Variants in EPB41L2 observed in about 807,000 individuals in gnomAD.
EPB41L2 encodes the protein erythrocyte membrane protein band 4.1 like 2, also known as band 4.1-like protein 2.
In EPB41L2, 43 loss-of-function variants were observed where a neutral mutation model predicts 113.0. The observed-to-expected ratio is 0.38, with a 90% CI of 0.30 to 0.49. EPB41L2 has a LOEUF of 0.49. Among genes scored for constraint, EPB41L2 ranks in the 20% least tolerant of loss-of-function variants. EPB41L2 has a pLI of 0.95. For synonymous variants in EPB41L2, 442 were observed against 436.7 expected (o/e 1.01, Z -0.15); for missense variants, 1,147 against 1,223.4 (o/e 0.94, Z 0.93).
At chr6:130,930,076 G>A (rs1032923473) in intron 3 of EPB41L2, among the ~76,000 whole-genome samples, 1 of 152,004 alleles carries the variant, frequency 6.6e-6, no homozygotes, top group African/African-American at 2.4e-5. Context: ...AGTGAGACAA[G>A]AAAAATTCTC....
At chr6:130,889,389 T>C (rs999686552) in intron 11 of EPB41L2, among the ~76,000 whole-genome samples, 1 of 152,100 alleles carries the variant, frequency 6.6e-6, no homozygotes, top group Admixed American at 6.5e-5. Context: ...GTAGTTTATA[T>C]AAAACTTATT....
At chr6:130,870,200 C>G in intron 14 of EPB41L2, 74 bp from the exon 15 acceptor site, 5 of 1,532,232 alleles carry the variant, frequency 3.3e-6, no homozygotes, top group Non-Finnish European at 4.4e-6. Context: ...CCAAATTAAC[C>G]GATGGCAGAT....
intron 1 of EPB41L2, among the ~76,000 whole-genome samples, chr6:131,059,414 A>G (rs1798249797): frequency 6.6e-6 from 1 of 152,230 alleles, no homozygotes; most frequent in Non-Finnish European, 1.5e-5. Context: ...GCGCCCAGCT[A>G]TAATTCCTAA....
At chr6:130,951,807 T>C (rs1376006657) in intron 3 of EPB41L2, among the ~76,000 whole-genome samples, 1 of 151,716 alleles carries the variant, frequency 6.6e-6, no homozygotes, top group Non-Finnish European at 1.5e-5. Flanking sequence ...AAGTAATATA[T>C]ACCACTTCCA....
chr6:130,955,956 T>C, intron 2 of EPB41L2, 38 bp downstream of exon 2: 2 of 1,581,962 alleles, frequency 1.3e-6, no homozygotes, highest in Middle Eastern at 1.7e-4. Context: ...GGTTACGCTA[T>C]CAGGTTTTCA....
intron 1 of EPB41L2, among the ~76,000 whole-genome samples, chr6:131,008,605 G>A (rs1786165665): frequency 6.6e-6 from 1 of 152,248 alleles, no homozygotes; most frequent in South Asian, 2.1e-4. Context: ...CCCTGGAAAA[G>A]CCACAGACAC....
At chr6:131,048,969 G>A (rs1796026223) in intron 1 of EPB41L2, among the ~76,000 whole-genome samples, 1 of 151,948 alleles carries the variant, frequency 6.6e-6, no homozygotes, top group South Asian at 2.1e-4. Flanking sequence ...CACAGAGCAA[G>A]TAACACATAA....
intron 12 of EPB41L2, among the ~76,000 whole-genome samples, chr6:130,883,500 A>G (rs1446359038): frequency 6.6e-6 from 1 of 152,258 alleles, no homozygotes; most frequent in Non-Finnish European, 1.5e-5. Flanking sequence ...TCAAAGCATT[A>G]GCAAAAATGC....
intron 19 of EPB41L2, among the ~76,000 whole-genome samples, chr6:130,844,425 AGCTG>A (rs1776381851): frequency 6.6e-6 from 1 of 151,530 alleles, no homozygotes; most frequent in Non-Finnish European, 1.5e-5. Context: ...AAAAAAAATT[AGCTG>A]GGCATGGTGG....
At chr6:131,027,182 A>C (rs1323329674) in intron 1 of EPB41L2, among the ~76,000 whole-genome samples, 1 of 152,194 alleles carries the variant, frequency 6.6e-6, no homozygotes. Flanking sequence ...TAAAAAGTTA[A>C]ATTTTCTATC....
intron 7 of EPB41L2, among the ~76,000 whole-genome samples, chr6:130,900,175 AT>A (rs1795907723): frequency 6.6e-6 from 1 of 152,194 alleles, no homozygotes; most frequent in East Asian, 1.9e-4. Context: ...TATACAACAA[AT>A]GTCTATTGAG....
intron 1 of EPB41L2, among the ~76,000 whole-genome samples, chr6:131,016,715 C>T (rs143231504): frequency 8.5e-5 from 13 of 152,124 alleles, no homozygotes; most frequent in Admixed American, 3.3e-4. Flanking sequence ...GAGGCTGAGG[C>T]ACGAGAATCA....
At chr6:131,002,349 GA>G (rs1174403389) in intron 1 of EPB41L2, among the ~76,000 whole-genome samples, 1 of 152,148 alleles carries the variant, frequency 6.6e-6, no homozygotes, top group Admixed American at 6.5e-5. Context: ...AAGTGGAGGG[GA>G]GAGAGAAGAA....
rs758705254 is a variant in EPB41L2, at chr6:130,869,512, C to T, written c.2607+51G>A. ...CAGGAGAAGAAAGGCAGGAGTTCCC[C>T]ATCTGAGAAGCAGCTCTAGAGTTTG... On this transcript the variant is annotated intron_variant, in intron 15 of 19. Transcript: ENST00000337057. 3.9e-6 allele frequency: 6 copies of T among 1,520,868 alleles called. No homozygotes were observed. In the East Asian group the frequency reaches 1.4e-4, roughly 34 times the overall value. 94.2% of individuals were successfully genotyped at this position (1,520,868 alleles called of 1,614,324 possible).
intron 19 of EPB41L2, among the ~76,000 whole-genome samples, chr6:130,853,076 C>T (rs562886320): frequency 2.6e-5 from 4 of 152,134 alleles, no homozygotes; most frequent in East Asian, 3.9e-4. Context: ...AAGAGCAGAC[C>T]TTATTTTATT....
chr6:130,983,405 C>T (rs899951607), intron 1 of EPB41L2, among the ~76,000 whole-genome samples: 6 of 152,094 alleles, frequency 3.9e-5, no homozygotes, highest in African/African-American at 1.4e-4. Context: ...ACAGAGTGTA[C>T]TTACAACGTA....
At chr6:130,934,436 T>C (rs191981633) in intron 3 of EPB41L2, among the ~76,000 whole-genome samples, 6 of 152,314 alleles carry the variant, frequency 3.9e-5, no homozygotes, top group Non-Finnish European at 5.9e-5. Flanking sequence ...AACATATGCA[T>C]GTAGATACAT....
chr6:130,986,714 T>A (rs4897478), intron 1 of EPB41L2, among the ~76,000 whole-genome samples: 1 of 151,882 alleles, frequency 6.6e-6, no homozygotes, highest in African/African-American at 2.4e-5. Context: ...GCCTCCCGAG[T>A]AGCTGAGATT....
intron 1 of EPB41L2, among the ~76,000 whole-genome samples, chr6:130,992,936 C>T (rs1782229361): frequency 1.3e-5 from 2 of 152,124 alleles, no homozygotes; most frequent in African/African-American, 4.8e-5. Context: ...AATTCCAATT[C>T]TTAGTATCAG....
Sources: allele counts gnomAD v4.1 joint callset (sites outside exome capture counted in the v4.1 genomes callset), GRCh38; gene constraint gnomAD v4.1.1; transcripts MANE v1.5; gene names NCBI Gene and HGNC (gene_info 2026-07-23, HGNC 2026-07-21).